Variants in ISY1 observed in about 807,000 individuals in gnomAD.
ISY1 encodes the protein ISY1 spliceosome associated protein, also known as pre-mRNA-splicing factor ISY1 homolog.
Under a neutral mutation model 54.4 loss-of-function variants are expected in ISY1, and 12 were observed. The ratio of observed to expected loss-of-function variants is 0.22; its 90% CI spans 0.14 to 0.36. The LOEUF (loss-of-function observed/expected upper bound fraction) is 0.36. Ranked by LOEUF, ISY1 falls within the 10% of genes least tolerant of loss-of-function variation. The probability of loss-of-function intolerance (pLI) is 1.00; values close to 1 mark genes in which losing one functional copy is unlikely to be tolerated. For synonymous variants in ISY1, 96 were observed against 117.9 expected (o/e 0.81, Z 1.20); for missense variants, 282 against 342.2 (o/e 0.82, Z 1.39).
At position 129,142,479 on chromosome 3, in the gene ISY1, A is replaced by C. The variant is rs1289469587; in HGVS notation, c.301-1994T>G. Among the ~76,000 whole-genome samples the C allele has an allele frequency of 2.0e-5, 3 of 152,280 alleles. No individual in the cohort carries two copies. The East Asian group carries it at 5.8e-4, about 29-fold the overall frequency. ...CCTACCTTTCAAGTGGTTCACAAAAAATAAATCTCAAGGTACACAAAGAAA... is the reference window on the plus strand; with the variant it reads ...CCTACCTTTCAAGTGGTTCACAAAACATAAATCTCAAGGTACACAAAGAAA... On this transcript the variant is annotated intron_variant, in intron 6 of 10. Transcript: ENST00000393295.
In ISY1 at chr3:129,144,464, T is replaced by C. The variant is rs1936714895; in HGVS notation, c.300+1297A>G. 3.3e-5 allele frequency among the ~76,000 whole-genome samples: 5 copies of C among 152,316 alleles called. 1 individual carries two copies. The South Asian group carries it at 1.0e-3, about 32-fold the overall frequency. ...GATCAACACGTAGAAAAACTGCATGTGTTTCTTATATAACACATTATAGTC... is the reference window on the plus strand; with the variant it reads ...GATCAACACGTAGAAAAACTGCATGCGTTTCTTATATAACACATTATAGTC... On this transcript the variant is annotated intron_variant, in intron 6 of 10. Transcript: ENST00000393295.
intron 6 of ISY1, among the ~76,000 whole-genome samples, 197 bp from the exon 7 acceptor site, chr3:129,140,682 T>C (rs1936580612): frequency 6.6e-6 from 1 of 152,104 alleles, no homozygotes; most frequent in Non-Finnish European, 1.5e-5. Flanking sequence ...GTGATTCTCC[T>C]GCCTCAGCCT....
chr3:129,134,779 C>G (rs7646403), intron 8 of ISY1, 53 bp downstream of exon 8: 1,497,283 of 1,550,128 alleles, frequency 0.97, 724,332 homozygotes, highest in East Asian at 1. Context: ...TTTCAAAGGA[C>G]ACAACAGAAA....
At position 129,129,422 on chromosome 3, in the gene ISY1, G is replaced by A. The variant is rs1293706108; in HGVS notation, c.*659C>T. 6.7e-6 allele frequency: 1 copy of A among 149,242 alleles called. No homozygotes were observed. Among genetic ancestry groups the A allele is most frequent in the Non-Finnish European group, 1.5e-5 (1 of 67,626 alleles). 9.2% of individuals were successfully genotyped at this position (149,242 alleles called of 1,614,324 possible). A position where few individuals can be genotyped will look rare whatever the true frequency, so the allele number is the denominator to read the frequency against. On this transcript the variant is annotated 3_prime_UTR_variant, in exon 11 of 11. Coordinates refer to ENST00000393295, the MANE Select transcript of ISY1 (RefSeq NM_020701.4). Reference sequence around the variant, plus strand: ...CAGAGTCTCACTCTGTCGCCAGGCTGGAGTGCAATGGCACGATCTTGGCTC... The same window carrying A: ...CAGAGTCTCACTCTGTCGCCAGGCTAGAGTGCAATGGCACGATCTTGGCTC...
At chr3:129,136,721 G>A (rs1327488147) in intron 7 of ISY1, among the ~76,000 whole-genome samples, 9 of 132,164 alleles carry the variant, frequency 6.8e-5, no homozygotes, top group Middle Eastern at 4.5e-3. Flanking sequence ...ACAGAGCCTC[G>A]CTCTGTCACC....
chr3:129,143,174 C>T (rs570933892), intron 6 of ISY1, among the ~76,000 whole-genome samples: 1 of 152,278 alleles, frequency 6.6e-6, no homozygotes, highest in Admixed American at 6.5e-5. Flanking sequence ...GATCGTGCCA[C>T]TGCACTCCAG....
chr3:129,133,979 C>A (rs1157867320), intron 9 of ISY1, 95 bp downstream of exon 9: 5 of 1,573,954 alleles, frequency 3.2e-6, no homozygotes, highest in Non-Finnish European at 3.5e-6. Flanking sequence ...GGCTGTGAAC[C>A]CTGACTCTGT....
chr3:129,160,918 G>GGCCCCGGGGGGGGGGGGGCC, intron 1 of ISY1, 55 bp downstream of exon 1: 1 of 666,128 alleles, frequency 1.5e-6, no homozygotes, highest in Non-Finnish European at 2.7e-6. Context: ...TGGACTGGGC[G>GGCCCCGGGGGGGGGGGGGCC]CCCCCCCGCC....
chr3:129,140,750 T>C (rs1230392751), intron 6 of ISY1, among the ~76,000 whole-genome samples: 1 of 151,946 alleles, frequency 6.6e-6, no homozygotes, highest in Non-Finnish European at 1.5e-5. Context: ...TTTGTATTTT[T>C]AGTAGAGACG....
intron 6 of ISY1, among the ~76,000 whole-genome samples, chr3:129,142,221 A>G (rs1936641998): frequency 6.6e-6 from 1 of 151,902 alleles, no homozygotes; most frequent in Non-Finnish European, 1.5e-5. Flanking sequence ...AAAAAAAAAA[A>G]AAAGACGATT....
At chr3:129,139,373 A>G (rs144117155) in intron 7 of ISY1, among the ~76,000 whole-genome samples, 189 of 152,372 alleles carry the variant, frequency 1.2e-3, no homozygotes, top group African/African-American at 4.4e-3. Context: ...GCAGCATTTA[A>G]TAAAAATAGA....
intron 6 of ISY1, among the ~76,000 whole-genome samples, chr3:129,145,014 C>T (rs1560018481): frequency 6.6e-6 from 1 of 152,012 alleles, no homozygotes; most frequent in Non-Finnish European, 1.5e-5. Context: ...AGGCTCAAGC[C>T]ATCCTCCCAC....
At chr3:129,135,723 A>G (rs1480435355) in intron 7 of ISY1, among the ~76,000 whole-genome samples, 3 of 150,580 alleles carry the variant, frequency 2.0e-5, no homozygotes, top group Non-Finnish European at 4.4e-5. Context: ...CGAAGACTGC[A>G]CCACTGCACT....
chr3:129,149,584 T>TAAA (rs149839273), intron 5 of ISY1, among the ~76,000 whole-genome samples: 4 of 16,678 alleles, frequency 2.4e-4, no homozygotes, highest in Admixed American at 1.3e-3. Flanking sequence ...CCGTCTCTAC[T>TAAA]AAAAAAAAAA....
At chr3:129,130,712 A>C in intron 9 of ISY1, 76 bp from the exon 10 acceptor site, 1 of 1,461,322 alleles carries the variant, frequency 6.8e-7, no homozygotes, top group Non-Finnish European at 9.3e-7. Context: ...AAAACACACT[A>C]CTCTGCAACT....
intron 7 of ISY1, among the ~76,000 whole-genome samples, chr3:129,137,803 T>C (rs1185335023): frequency 6.9e-6 from 1 of 144,760 alleles, no homozygotes; most frequent in East Asian, 2.1e-4. Context: ...TCCCAGCTAC[T>C]CGGGAGGCTG....
chr3:129,153,437 C>A (rs1437698553), intron 5 of ISY1, among the ~76,000 whole-genome samples: 1 of 152,140 alleles, frequency 6.6e-6, no homozygotes, highest in African/African-American at 2.4e-5. Context: ...TTAGCACATC[C>A]CTGGCCTCTA....
intron 5 of ISY1, among the ~76,000 whole-genome samples, chr3:129,154,175 G>A (rs564086142): frequency 1.1e-4 from 17 of 150,768 alleles, no homozygotes; most frequent in African/African-American, 1.2e-4. Context: ...CCCGGGGGGC[G>A]GAGCCTGCAG....
chr3:129,138,904 G>A (rs931634985), intron 7 of ISY1, among the ~76,000 whole-genome samples: 2 of 151,872 alleles, frequency 1.3e-5, no homozygotes, highest in Non-Finnish European at 2.9e-5. Flanking sequence ...GTGTGAAAAT[G>A]TGAGTGGTTT....
Sources: gnomAD v4.1 joint callset for allele counts (sites outside exome capture counted in the v4.1 genomes callset) on GRCh38, gnomAD v4.1.1 for gene constraint, MANE v1.5 for transcripts, NCBI Gene and HGNC (gene_info 2026-07-23, HGNC 2026-07-21) for gene names.